Variants in RFX4 observed in about 807,000 individuals in gnomAD.
The protein encoded by RFX4 is regulatory factor X4.
In RFX4, 10 loss-of-function variants were observed where a neutral mutation model predicts 95.0. That is an observed-to-expected ratio of 0.11 (90% CI 0.06 to 0.18). The LOEUF (loss-of-function observed/expected upper bound fraction) is 0.18. Among genes scored for constraint, RFX4 ranks in the 10% least tolerant of loss-of-function variants. The pLI is 1.00. For synonymous variants in RFX4, 321 were observed against 340.7 expected (o/e 0.94, Z 0.64); for missense variants, 640 against 922.0 (o/e 0.69, Z 3.96).
intron 2 of RFX4, among the ~76,000 whole-genome samples, chr12:106,620,433 G>A (rs184199889): frequency 5.1e-4 from 77 of 152,224 alleles, no homozygotes; most frequent in African/African-American, 1.7e-3. Context: ...TTTTTATTAA[G>A]GGTTTCAAAA....
intron 1 of RFX4, among the ~76,000 whole-genome samples, chr12:106,606,948 T>C (rs991384339): frequency 1.3e-5 from 2 of 151,892 alleles, no homozygotes; most frequent in African/African-American, 2.4e-5. Context: ...TTATGAGGAG[T>C]CACATTACTT....
intron 10 of RFX4, 53 bp downstream of exon 10, chr12:106,711,564 G>C: frequency 6.6e-7 from 1 of 1,517,524 alleles, no homozygotes; most frequent in Non-Finnish European, 9.1e-7. Flanking sequence ...TGCAAATGAG[G>C]GGGCAAATCC....
At chr12:106,740,311 G>A (rs773705488) in intron 15 of RFX4, among the ~76,000 whole-genome samples, 7 of 152,186 alleles carry the variant, frequency 4.6e-5, no homozygotes, top group Admixed American at 1.3e-4. Context: ...GTTATTCTGA[G>A]GGCAGCTAAA....
Position 106,735,148 on chromosome 12 carries a change from AAAT to A in RFX4, c.1633+2070_1633+2072del, listed in dbSNP as rs142918479. Among the ~76,000 whole-genome samples, 1,265 of 152,212 alleles carry A rather than the reference AAAT, an allele frequency of 8.3e-3. 24 individuals carry two copies. The highest frequency in any genetic ancestry group is 0.029 in the African/African-American group (1,209 of 41,532). ...TTCAAAAGGAAATATATAATTGTTG[AAAT>A]AATAATTTCAATAGATAGGTTGAAT... On this transcript the variant is annotated intron_variant, in intron 15 of 17. Transcript: ENST00000392842.
intron 17 of RFX4, among the ~76,000 whole-genome samples, chr12:106,754,346 A>T (rs879460293): frequency 2.6e-5 from 4 of 151,984 alleles, no homozygotes; most frequent in Non-Finnish European, 5.9e-5. Flanking sequence ...CACTCCGCAC[A>T]CTCCAAGCAT....
intron 8 of RFX4, among the ~76,000 whole-genome samples, chr12:106,702,947 T>C (rs1404869388): frequency 1.3e-5 from 2 of 152,250 alleles, no homozygotes; most frequent in Non-Finnish European, 2.9e-5. Context: ...GTCTTCCTCA[T>C]GAACACCTGG....
chr12:106,715,480 C>T lies in RFX4; in HGVS notation c.1074C>T (p.Ile358=). 1 of 1,614,216 alleles carries T rather than the reference C, an allele frequency of 6.2e-7. No homozygotes were observed. Among genetic ancestry groups the T allele is most frequent in the Non-Finnish European group, 8.5e-7 (1 of 1,180,032 alleles). ...EDWRNVDLNS[I]TKQTLYTMED... is the part of the protein sequence containing the mutation. ...GGAGGAACGTGGACCTGAACAGCAT[C>T]ACCAAGCAAACCCTTTACACCATGG... The change falls in exon 11 of 18, where the codon ATC becomes ATT. Residue 358 remains isoleucine, a synonymous_variant. Coordinates refer to ENST00000392842, the MANE Select transcript of RFX4 (RefSeq NM_213594.3).
chr12:106,656,533 C>G (rs2040960684), intron 4 of RFX4, among the ~76,000 whole-genome samples: 1 of 152,176 alleles, frequency 6.6e-6, no homozygotes, highest in Non-Finnish European at 1.5e-5. Context: ...ACATCCCAAA[C>G]AGGGTCCTAC....
At chr12:106,597,942 G>T (rs1331141752) in intron 1 of RFX4, among the ~76,000 whole-genome samples, 5 of 152,130 alleles carry the variant, frequency 3.3e-5, no homozygotes, top group Admixed American at 2.6e-4. Flanking sequence ...ACAAACTATT[G>T]GGATTACGGT....
At chr12:106,616,861 AG>A (rs1164114446) in intron 2 of RFX4, among the ~76,000 whole-genome samples, 1 of 152,050 alleles carries the variant, frequency 6.6e-6, no homozygotes, top group African/African-American at 2.4e-5. Context: ...GCCAGACTCA[AG>A]CAATTCTCCT....
intron 17 of RFX4, among the ~76,000 whole-genome samples, chr12:106,751,121 G>A (rs987828534): frequency 1.4e-5 from 2 of 140,492 alleles, no homozygotes; most frequent in African/African-American, 5.4e-5. Context: ...AGAGTGTGAT[G>A]TTCCCCTTCC....
chr12:106,724,110 C>G (rs1412096953), intron 13 of RFX4, among the ~76,000 whole-genome samples: 1 of 152,130 alleles, frequency 6.6e-6, no homozygotes, highest in Non-Finnish European at 1.5e-5. Flanking sequence ...CTCAATATGA[C>G]AGACCAGGAA....
chr12:106,588,896 G>C (rs1429262265), intron 1 of RFX4, among the ~76,000 whole-genome samples: 3 of 152,190 alleles, frequency 2.0e-5, no homozygotes, highest in African/African-American at 7.2e-5. Flanking sequence ...TCTAAGCCAA[G>C]TTGGTCTGTT....
intron 5 of RFX4, among the ~76,000 whole-genome samples, chr12:106,684,121 C>T (rs1198991269): frequency 6.6e-6 from 1 of 152,164 alleles, no homozygotes; most frequent in East Asian, 1.9e-4. Flanking sequence ...AATCCCAGCA[C>T]TTTGGGAGGC....
Position 106,682,026 on chromosome 12 carries a change from A to G in RFX4, c.349A>G (p.Arg117Gly). The G allele has an allele frequency of 6.2e-7, 1 of 1,614,216 alleles. No individual in the cohort carries two copies. The highest frequency in any genetic ancestry group is 8.5e-7 in the Non-Finnish European group (1 of 1,180,032). The change falls in exon 5 of 18, where the codon AGA becomes GGA. Residue 117 changes from arginine (R) to glycine (G), a missense_variant. Arg to Gly is a moderately radical substitution (Grantham distance 125). This residue lies in a region of RFX4 where 89 missense variants were observed against 173.8 expected (regional missense o/e 0.51). Transcript: ENST00000392842. ...IRQQFPQLTT[R>G]RLGTRGQSKY... ...GCAGCAGTTTCCTCAGTTAACCACC[A>G]GAAGACTCGGGACCCGAGGACAGTC...
intron 7 of RFX4, 90 bp from the exon 8 acceptor site, chr12:106,696,193 G>C: frequency 6.8e-7 from 1 of 1,461,226 alleles, no homozygotes; most frequent in Non-Finnish European, 9.4e-7. Flanking sequence ...TGACAGCATT[G>C]TAGACTGGGT....
chr12:106,646,488 C>G (rs1343617137), intron 3 of RFX4, among the ~76,000 whole-genome samples: 1 of 141,672 alleles, frequency 7.1e-6, no homozygotes, highest in East Asian at 2.1e-4. Flanking sequence ...AAAAACTGAG[C>G]TGAGAGATTC....
intron 15 of RFX4, among the ~76,000 whole-genome samples, chr12:106,735,037 G>A (rs2042683943): frequency 1.4e-5 from 2 of 143,232 alleles, no homozygotes. Context: ...CTGGGTGATA[G>A]CCTGTTTAAA....
chr12:106,704,815 ATG>A (rs1469979370), intron 8 of RFX4, among the ~76,000 whole-genome samples: 2 of 151,698 alleles, frequency 1.3e-5, no homozygotes, highest in Admixed American at 6.6e-5. Flanking sequence ...GTGTGTATGC[ATG>A]TGTGTGTGTG....
Sources: allele counts gnomAD v4.1 joint callset (sites outside exome capture counted in the v4.1 genomes callset), GRCh38; gene constraint gnomAD v4.1.1; regional missense constraint gnomAD v4.1.1; transcripts MANE v1.5; gene names NCBI Gene and HGNC (gene_info 2026-07-23, HGNC 2026-07-21).